Variants in ABR observed in about 807,000 individuals in gnomAD.
ABR encodes active breakpoint cluster region-related protein.
ABR carries 35 observed loss-of-function variants against 107.2 expected under a neutral mutation model. That is an observed-to-expected ratio of 0.33 (90% CI 0.25 to 0.43). The LOEUF is 0.43. ABR is among the 20% of genes least tolerant of loss of function. The pLI is 1.00. For synonymous variants in ABR, 498 were observed against 462.0 expected (o/e 1.08, Z -1.00); for missense variants, 815 against 1,115.2 (o/e 0.73, Z 3.83).
intron 1 of ABR, among the ~76,000 whole-genome samples, chr17:1,137,070 G>C (rs1312214086): frequency 6.8e-6 from 1 of 147,230 alleles, no homozygotes; most frequent in Non-Finnish European, 1.5e-5. Flanking sequence ...TTCTTTTCTA[G>C]ACAGTCTCTA....
At chr17:1,091,627 G>A (rs1597769299) in intron 4 of ABR, 38 bp downstream of exon 4, 2 of 1,594,006 alleles carry the variant, frequency 1.3e-6, no homozygotes, top group Non-Finnish European at 1.7e-6. Flanking sequence ...GCTCCACTGA[G>A]GCCCTGCGTG....
In ABR at chr17:1,075,779, C is replaced by T. The variant is rs914083554; in HGVS notation, c.701-2102G>A. Among the ~76,000 whole-genome samples, 6 of 152,152 alleles carry T rather than the reference C, an allele frequency of 3.9e-5. No individual in the cohort carries two copies. The South Asian group carries it at 8.3e-4, about 21-fold the overall frequency. ...ACGAGGGGCCGGGCAGGGTGGCTCA[C>T]GCCTGTAATCCCAGCACTTTGGGAG... On this transcript the variant is annotated intron_variant, in intron 6 of 22. Coordinates refer to ENST00000302538, the MANE Select transcript of ABR (RefSeq NM_021962.5).
intron 16 of ABR, among the ~76,000 whole-genome samples, chr17:1,046,950 CGTCT>C (rs1567645908): frequency 6.6e-6 from 1 of 152,196 alleles, no homozygotes; most frequent in Non-Finnish European, 1.5e-5. Context: ...CGCATGCTGC[CGTCT>C]GTCTGTCACT....
rs771490983 is a variant in ABR at position 1,083,616 on chromosome 17, G to A, written c.543C>T (p.Leu181=). 25 of 1,613,464 alleles carry A rather than the reference G, an allele frequency of 1.5e-5. No individual in the cohort carries two copies. The highest frequency in any genetic ancestry group is 9.9e-5 in the South Asian group (9 of 91,062). Residue 181 remains leucine (L), a synonymous_variant, in exon 5 of 23, where the codon CTC becomes CTT. Coordinates refer to ENST00000302538, the MANE Select transcript of ABR (RefSeq NM_021962.5). ...GHLFQKLASQ[L]GVYKAFVDNY... is the part of the protein sequence containing the mutation. ...TATCGACAAACGCTTTGTACACACC[G>A]AGCTGGCTGGCCTGCAGGGAGGAGT...
intron 1 of ABR, among the ~76,000 whole-genome samples, chr17:1,178,564 C>CAAA (rs11301468): frequency 8.2e-5 from 10 of 121,898 alleles, no homozygotes; most frequent in African/African-American, 2.5e-4. Flanking sequence ...GACTCCGTCT[C>CAAA]AAAAAAAAAA....
Position 1,070,377 on chromosome 17 carries a change from T to C in ABR, c.895-287A>G, listed in dbSNP as rs1285987490. On this transcript the variant is annotated intron_variant, in intron 8 of 22. Transcript: ENST00000302538. This position sits in a 1 kb window ranked among gnomAD's most constrained non-coding sequence, Gnocchi z 4.2. ...AGTGAGGTCTGCCTCATAAGGTGACTCATCGAGATGGTGCATGTGAAACAG... is the reference window on the plus strand; with the variant it reads ...AGTGAGGTCTGCCTCATAAGGTGACCCATCGAGATGGTGCATGTGAAACAG... 6.6e-6 allele frequency among the ~76,000 whole-genome samples: 1 copy of C among 152,134 alleles called. No homozygotes were observed. Among genetic ancestry groups the C allele is most frequent in the East Asian group, 1.9e-4 (1 of 5,166 alleles).
chr17:1,035,131 G>A (rs1031034146), intron 16 of ABR, among the ~76,000 whole-genome samples: 6 of 151,654 alleles, frequency 4.0e-5, no homozygotes, highest in African/African-American at 7.3e-5. Flanking sequence ...CCCCAAGCCC[G>A]ACTCATTGCT....
chr17:1,054,182 A>G (rs1220410695), intron 14 of ABR, among the ~76,000 whole-genome samples: 3 of 152,216 alleles, frequency 2.0e-5, no homozygotes, highest in Non-Finnish European at 4.4e-5. Context: ...CCGGAGGCTC[A>G]GAGCGGACCG....
Position 1,200,549 on chromosome 17 carries a change from CTG to C in ABR, c.838+28242_838+28243del, listed in dbSNP as rs2042652063. On this transcript the variant is annotated intron_variant, in intron 1 of 22. Transcript: ENST00000574139. The surrounding 1 kb of genome is among the most constrained non-coding windows in gnomAD (Gnocchi z 4.1). ...GGTGTAATTGGAGTGGCTCTCCAGACTGTGCCCAGGAATTTCTCAGCCTGATC... is the reference window on the plus strand; with the variant it reads ...GGTGTAATTGGAGTGGCTCTCCAGACTGCCCAGGAATTTCTCAGCCTGATC... 6.6e-6 allele frequency among the ~76,000 whole-genome samples: 1 copy of C among 151,988 alleles called. No individual in the cohort carries two copies. The highest frequency in any genetic ancestry group is 2.1e-4 in the South Asian group (1 of 4,806).
intron 1 of ABR, among the ~76,000 whole-genome samples, chr17:1,147,601 C>G (rs927246171): frequency 1.3e-5 from 2 of 151,978 alleles, no homozygotes; most frequent in African/African-American, 4.8e-5. Context: ...CCTCAGGTGA[C>G]CCACCCGCCT....
In ABR at chr17:1,027,088, G is replaced by A. The variant is rs559356975; in HGVS notation, c.1792-13924C>T. Among the ~76,000 whole-genome samples, 1 of 152,262 alleles carries A rather than the reference G, an allele frequency of 6.6e-6. No homozygotes were observed. The highest frequency in any genetic ancestry group is 1.5e-5 in the Non-Finnish European group (1 of 68,010). Reference sequence around the variant, plus strand: ...CCCAGCCACACCTGCAGGCTTGGGGGCTCCTTCCAAAATGTCTGGGGCCTC... The same window carrying A: ...CCCAGCCACACCTGCAGGCTTGGGGACTCCTTCCAAAATGTCTGGGGCCTC... On this transcript the variant is annotated intron_variant, in intron 16 of 22. Coordinates refer to ENST00000302538, the MANE Select transcript of ABR (RefSeq NM_021962.5). The surrounding 1 kb of genome is among the most constrained non-coding windows in gnomAD (Gnocchi z 4.7).
intron 16 of ABR, among the ~76,000 whole-genome samples, chr17:1,049,541 G>A (rs764773007): frequency 6.6e-5 from 10 of 152,054 alleles, no homozygotes; most frequent in Non-Finnish European, 1.5e-4. Flanking sequence ...GACTCCCAAC[G>A]CAGCTGAGTA....
At position 1,079,349 on chromosome 17, in the gene ABR, G is replaced by A. The variant is rs1048478832; in HGVS notation, c.681C>T (p.His227=). Residue 227 remains histidine, a synonymous_variant, in exon 6 of 23, where the codon CAC becomes CAT. Transcript: ENST00000302538. ...AGGTACCTTCCATGGTGACAGACGT[G>A]TGGCTGTCCTTGGAGTCCTTGGGAC... ...VKGPKDSKDS[H]TSVTMEALLY... The A allele has an allele frequency of 2.5e-6, 4 of 1,613,686 alleles. No homozygotes were observed. The highest frequency in any genetic ancestry group is 3.4e-6 in the Non-Finnish European group (4 of 1,179,808).
Position 1,009,734 on chromosome 17 carries a change from A to G in ABR, c.2287T>C (p.Ser763Pro). 6.2e-7 allele frequency: 1 copy of G among 1,614,140 alleles called. No homozygotes were observed. Among genetic ancestry groups the G allele is most frequent in the Non-Finnish European group, 8.5e-7 (1 of 1,180,036 alleles). ...GTGATGAGGTTGGGGTCGGGCAGGG[A>G]GCGGAGCAGGTGCATCATGCAGTTT... ...KENCMMHLLR[S>P]LPDPNLITFL... Residue 763 changes from serine to proline, a missense_variant, in exon 21 of 23, where the codon TCC becomes CCC. By Grantham distance (74) the Ser-to-Pro change is moderately conservative (BLOSUM62 -1). This residue lies in a region of ABR where 175 missense variants were observed against 284.3 expected (regional missense o/e 0.62). Transcript: ENST00000302538.
chr17:1,206,191 G>A (rs1012384456), intron 1 of ABR, among the ~76,000 whole-genome samples: 3 of 152,178 alleles, frequency 2.0e-5, no homozygotes, highest in African/African-American at 4.8e-5. Context: ...GGTTGAGGCT[G>A]CAGTGAGCTC....
At chr17:1,208,017 C>T (rs1045635422) in intron 1 of ABR, among the ~76,000 whole-genome samples, 3 of 152,074 alleles carry the variant, frequency 2.0e-5, no homozygotes, top group East Asian at 1.9e-4. Context: ...GTGATCCACC[C>T]GCTTCGGCCT....
chr17:1,067,056 C>T (rs759816531), intron 10 of ABR, 21 bp downstream of exon 10: 7 of 1,610,824 alleles, frequency 4.3e-6, no homozygotes, highest in Non-Finnish European at 5.9e-6. Flanking sequence ...GCCCCAGGCT[C>T]AGATACCAAG....
rs181578876 is a variant in ABR at position 1,011,825 on chromosome 17, G to C, written c.2101+21C>G. On this transcript the variant is annotated intron_variant, in intron 19 of 22. Transcript: ENST00000302538. This position sits in a 1 kb window ranked among gnomAD's most constrained non-coding sequence, Gnocchi z 4.8. ...GCTCAGACACAGCCACACCTGCCCC[G>C]GCTGGGCCTCCCAGACTCACTGGCA... 1.3e-4 allele frequency: 205 copies of C among 1,555,672 alleles called. No homozygotes were observed. The African/African-American group carries it at 2.7e-3, about 20-fold the overall frequency.
chr17:1,217,258 C>G (rs904916844), intron 1 of ABR, among the ~76,000 whole-genome samples: 2 of 152,174 alleles, frequency 1.3e-5, no homozygotes, highest in Non-Finnish European at 2.9e-5. Context: ...AGGCTGCAGC[C>G]GTGACGCGTC....
Sources: allele counts gnomAD v4.1 joint callset (sites outside exome capture counted in the v4.1 genomes callset), GRCh38; gene constraint gnomAD v4.1.1; regional missense constraint gnomAD v4.1.1; non-coding constraint Gnocchi (gnomAD v3.1); transcripts MANE v1.5; gene names NCBI Gene and HGNC (gene_info 2026-07-23, HGNC 2026-07-21).